Variants in POLR3E observed in about 807,000 individuals in gnomAD.
The protein encoded by POLR3E is DNA-directed RNA polymerase III subunit RPC5.
POLR3E carries 41 observed loss-of-function variants against 96.6 expected under a neutral mutation model. The observed-to-expected ratio is 0.42, with a 90% CI of 0.33 to 0.55. The LOEUF (loss-of-function observed/expected upper bound fraction) is 0.55. Among genes scored for constraint, POLR3E ranks in the 20% least tolerant of loss-of-function variants. The pLI is 0.06. For synonymous variants in POLR3E, 396 were observed against 383.6 expected, an observed-to-expected ratio of 1.03 and a Z score of -0.38; for missense variants, 849 against 952.1, an observed-to-expected ratio of 0.89 and a Z score of 1.43.
intron 2 of POLR3E, 33 bp downstream of exon 2, chr16:22,303,037 G>T (rs761668795): frequency 2.2e-5 from 36 of 1,604,632 alleles, no homozygotes; most frequent in Non-Finnish European, 2.9e-5. Flanking sequence ...TGCCGCCGGG[G>T]CTACAGGCAG....
intron 3 of POLR3E, among the ~76,000 whole-genome samples, chr16:22,306,066 C>A (rs1598239307): frequency 6.6e-6 from 1 of 152,128 alleles, no homozygotes; most frequent in South Asian, 2.1e-4. Context: ...CTGTGCCCCC[C>A]ATTCCCACCT....
At chr16:22,299,849 A>G (rs570522242) in intron 1 of POLR3E, among the ~76,000 whole-genome samples, 90 of 151,994 alleles carry the variant, frequency 5.9e-4, no homozygotes, top group African/African-American at 2.1e-3. Flanking sequence ...AGTAGTTGGG[A>G]CTGCAGGCCA....
rs2048286218 is a variant in POLR3E, at chr16:22,313,236, G to T, written c.365-384G>T. ...GAGGAAATCCAGGTGTGTGGGGCGGGACAGTAAGGCTGAGCTGGCCGAGGC... is the reference window on the plus strand; with the variant it reads ...GAGGAAATCCAGGTGTGTGGGGCGGTACAGTAAGGCTGAGCTGGCCGAGGC... On this transcript the variant is annotated intron_variant, in intron 6 of 20. Coordinates refer to ENST00000299853, the MANE Select transcript of POLR3E (RefSeq NM_018119.4). The surrounding 1 kb of genome is among the most constrained non-coding windows in gnomAD (Gnocchi z 4.1). Among the ~76,000 whole-genome samples, 1 of 152,194 alleles carries T rather than the reference G, an allele frequency of 6.6e-6. No individual in the cohort carries two copies. The highest frequency in any genetic ancestry group is 2.1e-4 in the South Asian group (1 of 4,836).
chr16:22,309,362 G>A (rs767190303), intron 5 of POLR3E, 66 bp from the exon 6 acceptor site: 29 of 1,177,392 alleles, frequency 2.5e-5, no homozygotes, highest in Middle Eastern at 1.9e-4. Flanking sequence ...GGTGGGGTGC[G>A]CTGTGGCCAC....
At position 22,332,101 on chromosome 16, in the gene POLR3E, G is replaced by A; in HGVS notation, c.1986G>A (p.Arg662=). The part of the protein sequence containing the change: ...VLLEIFSKNY[R]VRRNMIQSRL... The stretch of plus-strand genomic sequence containing the variant: ...TTGAAATTTTTTCCAAAAATTACCG[G>A]GTACGCCGAAACATGATCCAGTCTC... Residue 662 remains arginine, a synonymous_variant, in exon 20 of 21, where the codon CGG becomes CGA. Transcript: ENST00000299853. The A allele has an allele frequency of 6.2e-7, 1 of 1,613,230 alleles. No homozygotes were observed. The highest frequency in any genetic ancestry group is 1.3e-5 in the African/African-American group (1 of 74,906).
chr16:22,323,140 G>C (rs1223661508), intron 14 of POLR3E, among the ~76,000 whole-genome samples: 5 of 152,076 alleles, frequency 3.3e-5, no homozygotes, highest in Non-Finnish European at 7.4e-5. Flanking sequence ...GCGCAGTCGG[G>C]GGGTGGGTCA....
Position 22,311,268 on chromosome 16 carries a change from CTT to C in POLR3E, c.364+1779_364+1780del, listed in dbSNP as rs57435708. Among the ~76,000 whole-genome samples, 247 of 109,420 alleles carry C rather than the reference CTT, an allele frequency of 2.3e-3. 1 individual carries two copies. Among genetic ancestry groups the C allele is most frequent in the African/African-American group, 8.1e-3 (225 of 27,768 alleles). 71.8% of individuals were successfully genotyped at this position (109,420 alleles called of 152,430 possible). ...ATAGGCATGAGCCACTGTGCCCAGC[CTT>C]TTTTTTTTTTTTTTTTTTTTAATAA... On this transcript the variant is annotated intron_variant, in intron 6 of 20. Coordinates refer to ENST00000299853, the MANE Select transcript of POLR3E (RefSeq NM_018119.4).
chr16:22,321,851 T>C (rs960788332), intron 13 of POLR3E, among the ~76,000 whole-genome samples: 3 of 152,202 alleles, frequency 2.0e-5, no homozygotes. Flanking sequence ...CATGCTGCCA[T>C]GTCAGGGGCC....
At chr16:22,321,989 G>T in intron 13 of POLR3E, among the ~76,000 whole-genome samples, 1 of 152,246 alleles carries the variant, frequency 6.6e-6, no homozygotes, top group East Asian at 1.9e-4. Flanking sequence ...TGCCCCTGGG[G>T]ATGGCGGCTG....
chr16:22,312,758 T>A (rs1264233249), intron 6 of POLR3E, among the ~76,000 whole-genome samples: 13 of 148,984 alleles, frequency 8.7e-5, no homozygotes, highest in Non-Finnish European at 1.8e-4. Flanking sequence ...TCCCAGCTAC[T>A]TGGGAGGCTG....
chr16:22,316,398 G>T (rs938194911), intron 9 of POLR3E, among the ~76,000 whole-genome samples: 3 of 152,182 alleles, frequency 2.0e-5, no homozygotes, highest in Non-Finnish European at 4.4e-5. Flanking sequence ...AGGCATCGAG[G>T]CTTGGGGGCT....
chr16:22,314,400 AC>A (rs1404178855), intron 8 of POLR3E, among the ~76,000 whole-genome samples: 1 of 152,220 alleles, frequency 6.6e-6, no homozygotes, highest in African/African-American at 2.4e-5. Context: ...GGACCCGCAG[AC>A]CAGCTCTGCC....
Position 22,325,285 on chromosome 16 carries a change from G to A in POLR3E, c.1348+19G>A. Reference sequence around the variant, plus strand: ...CAATCAGGTGTGTGAGGGGCTTTGGGCTGGGAGGCCCCGGCTCCTACACTG... The same window carrying A: ...CAATCAGGTGTGTGAGGGGCTTTGGACTGGGAGGCCCCGGCTCCTACACTG... On this transcript the variant is annotated intron_variant, in intron 17 of 20. Coordinates refer to ENST00000299853, the MANE Select transcript of POLR3E (RefSeq NM_018119.4). 1 of 1,603,512 alleles carries A rather than the reference G, an allele frequency of 6.2e-7. No individual in the cohort carries two copies. The highest frequency in any genetic ancestry group is 8.5e-7 in the Non-Finnish European group (1 of 1,170,324).
chr16:22,316,307 CAG>C (rs928953159), intron 9 of POLR3E, among the ~76,000 whole-genome samples: 5 of 152,204 alleles, frequency 3.3e-5, no homozygotes, highest in African/African-American at 1.2e-4. Context: ...GTCAGTGGAA[CAG>C]AGTCCACCAC....
chr16:22,300,853 C>T (rs1366474600), intron 1 of POLR3E, among the ~76,000 whole-genome samples: 1 of 152,192 alleles, frequency 6.6e-6, no homozygotes, highest in Non-Finnish European at 1.5e-5. Flanking sequence ...TTTATTTAGA[C>T]AACAAACATG....
intron 3 of POLR3E, chr16:22,305,545 G>A (rs1299287114): frequency 1.7e-5 from 9 of 526,456 alleles, no homozygotes; most frequent in Non-Finnish European, 2.6e-5. Flanking sequence ...GCAAAGTGGT[G>A]ATGGTGATAA....
At chr16:22,302,729 G>C (rs2048051911) in intron 1 of POLR3E, 1 of 576,756 alleles carries the variant, frequency 1.7e-6, no homozygotes, top group South Asian at 2.1e-5. Flanking sequence ...CCCGCTGCTT[G>C]AGTGTTTCTT....
chr16:22,325,193 T>A lies in POLR3E; in HGVS notation c.1287-12T>A. The A allele has an allele frequency of 6.2e-7, 1 of 1,607,026 alleles. No individual in the cohort carries two copies. On this transcript the variant is annotated splice_polypyrimidine_tract_variant and intron_variant, in intron 16 of 20. Coordinates refer to ENST00000299853, the MANE Select transcript of POLR3E (RefSeq NM_018119.4). ...CGTGGTTTAAAGTTAATGGGGTTAC[T>A]CTTCTTTTCAGACTGGAAAAAGTCT... is the stretch of plus-strand genomic sequence containing the variant.
intron 6 of POLR3E, chr16:22,309,725 A>T: frequency 1.7e-6 from 1 of 588,086 alleles, no homozygotes; most frequent in South Asian, 2.0e-5. Flanking sequence ...GCCTGACCAG[A>T]TGGGGTGGGG....
Sources: gnomAD v4.1 joint callset for allele counts (sites outside exome capture counted in the v4.1 genomes callset) on GRCh38, gnomAD v4.1.1 for gene constraint, Gnocchi (gnomAD v3.1) non-coding constraint, MANE v1.5 for transcripts, NCBI Gene and HGNC (gene_info 2026-07-23, HGNC 2026-07-21) for gene names.